Variants in SIMC1 observed in about 807,000 individuals in gnomAD.
SIMC1 encodes SUMO interacting motifs containing 1, also known as SUMO-interacting motif-containing protein 1.
In SIMC1, 55 loss-of-function variants were observed where a neutral mutation model predicts 82.3. The observed-to-expected ratio is 0.67, with a 90% CI of 0.54 to 0.84. SIMC1 has a LOEUF of 0.84. Among genes scored for constraint, SIMC1 ranks in the 40% least tolerant of loss-of-function variants. The probability of loss-of-function intolerance (pLI) is 0.00; values close to 1 mark genes in which losing one functional copy is unlikely to be tolerated. For synonymous variants in SIMC1, 353 were observed against 426.3 expected, an observed-to-expected ratio of 0.83 and a Z score of 2.12; for missense variants, 915 against 1,107.2, an observed-to-expected ratio of 0.83 and a Z score of 2.46.
chr5:176,329,835 A>G (rs67048353), intron 7 of SIMC1, among the ~76,000 whole-genome samples: 21,371 of 152,162 alleles, frequency 0.14, 1,521 homozygotes, highest in Middle Eastern at 0.21. Flanking sequence ...TACACATATG[A>G]AAAGGGGAAA....
chr5:176,263,972 G>T (rs1306018129), intron 1 of SIMC1, among the ~76,000 whole-genome samples: 1 of 152,244 alleles, frequency 6.6e-6, no homozygotes, highest in Non-Finnish European at 1.5e-5. Flanking sequence ...AAAGAAAGCG[G>T]TAATAGGCCT....
rs569062517 is a variant in SIMC1 at position 176,327,598 on chromosome 5, A to G, written c.2171+2841A>G. On this transcript the variant is annotated intron_variant, in intron 7 of 9. Coordinates refer to ENST00000429602, the MANE Select transcript of SIMC1 (RefSeq NM_001308195.2). ...CCTTTTGCTTGCTTTTTCTTGCCAT[A>G]CTGCATAGGCTAGAATCTCCAGGAA... Among the ~76,000 whole-genome samples the G allele has an allele frequency of 3.9e-5, 6 of 152,264 alleles. No individual in the cohort carries two copies. In the East Asian group the frequency reaches 5.8e-4, roughly 15 times the overall value.
At chr5:176,270,659 T>C (rs1762385408) in intron 1 of SIMC1, 1 of 152,270 alleles carries the variant, frequency 6.6e-6, no homozygotes, top group Non-Finnish European at 1.5e-5. Flanking sequence ...AGAATCTGTG[T>C]GCTTGGGGAA....
intron 1 of SIMC1, among the ~76,000 whole-genome samples, chr5:176,276,710 T>A (rs1363352884): frequency 1.4e-5 from 2 of 145,220 alleles, no homozygotes; most frequent in African/African-American, 2.6e-5. Context: ...TGGTTTTTTG[T>A]TCTTGCGATA....
In SIMC1 at chr5:176,306,388, G is replaced by A. The variant is rs867420364; in HGVS notation, c.1735-7303G>A. Among the ~76,000 whole-genome samples the A allele has an allele frequency of 7.9e-5, 7 of 88,898 alleles. 1 individual carries two copies. The highest frequency in any genetic ancestry group is 1.7e-4 in the African/African-American group (6 of 36,112). 58.3% of individuals were successfully genotyped at this position (88,898 alleles called of 152,430 possible). A position where few individuals can be genotyped will look rare whatever the true frequency, so the allele number is the denominator to read the frequency against. On this transcript the variant is annotated intron_variant, in intron 4 of 9. Coordinates refer to ENST00000429602, the MANE Select transcript of SIMC1 (RefSeq NM_001308195.2). ...TGGGAAGTGAGGAGCCCCTCTGCCC[G>A]ACCACCACCCCGTCTGGGAGGTGTG...
chr5:176,267,938 T>C (rs918324231), intron 1 of SIMC1, among the ~76,000 whole-genome samples: 19 of 151,086 alleles, frequency 1.3e-4, no homozygotes, highest in Non-Finnish European at 2.5e-4. Context: ...TTTGTAGGGA[T>C]GGAGTTTCAC....
chr5:176,294,689 G>C (rs1331484685), intron 2 of SIMC1, among the ~76,000 whole-genome samples: 1 of 151,200 alleles, frequency 6.6e-6, no homozygotes, highest in Admixed American at 6.6e-5. Context: ...CCGGCTCGGC[G>C]CCGTGGCTCA....
At chr5:176,313,580 T>G in intron 4 of SIMC1, 111 bp from the exon 5 acceptor site, 1 of 1,558,108 alleles carries the variant, frequency 6.4e-7, no homozygotes, top group Non-Finnish European at 8.8e-7. Context: ...AGCACAGGCA[T>G]ACTTGTTGAT....
chr5:176,265,961 A>G (rs1409117938), intron 1 of SIMC1, among the ~76,000 whole-genome samples: 1 of 152,162 alleles, frequency 6.6e-6, no homozygotes, highest in African/African-American at 2.4e-5. Flanking sequence ...GCCTCATGAT[A>G]TGTGCTATAG....
intron 9 of SIMC1, among the ~76,000 whole-genome samples, chr5:176,338,795 TA>T (rs70991537): frequency 0.68 from 99,237 of 147,004 alleles, 33,224 homozygotes; most frequent in Middle Eastern, 0.76. Flanking sequence ...GTAGAGACTT[TA>T]AAAAAAAAAA....
At chr5:176,326,638 C>G (rs548271011) in intron 7 of SIMC1, among the ~76,000 whole-genome samples, 1 of 152,278 alleles carries the variant, frequency 6.6e-6, no homozygotes, top group South Asian at 2.1e-4. Context: ...GATCTCAGCT[C>G]ACTGCAATCT....
Position 176,336,758 on chromosome 5 carries a change from G to T in SIMC1, c.2210G>T (p.Arg737Leu), listed in dbSNP as rs760903170. Residue 737 changes from arginine (R) to leucine (L), a missense_variant, in exon 8 of 10, where the codon CGC (arginine) becomes CTC (leucine). Arg to Leu is a moderately radical substitution (Grantham distance 102). Around this residue, in one of 2 missense-constraint regions of SIMC1, gnomAD observed 902 missense variants for 1,040.3 expected, o/e 0.87. Transcript: ENST00000429602. ...ACTACCATGGAAAGCCACCTTCTGC[G>T]CTGCAAAGTGTTAGAAATCATATTC... ...FFTTMESHLL[R>L]CKVLEIIFLH... 6.2e-7 allele frequency: 1 copy of T among 1,613,806 alleles called. No homozygotes were observed. The highest frequency in any genetic ancestry group is 8.5e-7 in the Non-Finnish European group (1 of 1,179,894).
rs768128976 is a variant in SIMC1, at chr5:176,290,761, G to C, written c.1237G>C (p.Val413Leu). Reference protein sequence around the residue: ...TPLEKVPWLSVMETPARKEIS... With the variant: ...TPLEKVPWLSLMETPARKEIS... ...CTTAGAGAAAGTTCCTTGGCTCTCT[G>C]TCATGGAAACCCCAGCCAGAAAAGA... The change falls in exon 2 of 10, where the codon GTC becomes CTC. Residue 413 changes from valine (V) to leucine (L), a missense_variant. Physicochemically the swap from Val to Leu is conservative, Grantham distance 32. Coordinates refer to ENST00000429602, the MANE Select transcript of SIMC1 (RefSeq NM_001308195.2). 58 of 1,612,776 alleles carry C rather than the reference G, an allele frequency of 3.6e-5. No homozygotes were observed. The highest frequency in any genetic ancestry group is 2.5e-5 in the Non-Finnish European group (29 of 1,179,392).
At chr5:176,337,182 G>A (rs1765938945) in intron 9 of SIMC1, 36 bp downstream of exon 9, 1 of 1,532,406 alleles carries the variant, frequency 6.5e-7, no homozygotes, top group Non-Finnish European at 9.0e-7. Context: ...AGTAGTGGAA[G>A]GTCTCAATGG....
intron 4 of SIMC1, chr5:176,308,563 G>A (rs981753794): frequency 1.6e-5 from 25 of 1,593,700 alleles, no homozygotes; most frequent in Non-Finnish European, 1.8e-5. Context: ...AGGGCTGGCC[G>A]GGTACTCTAC....
At chr5:176,328,745 G>A (rs1765499814) in intron 7 of SIMC1, among the ~76,000 whole-genome samples, 1 of 152,120 alleles carries the variant, frequency 6.6e-6, no homozygotes, top group Non-Finnish European at 1.5e-5. Context: ...AGGAGAGCTA[G>A]CATGGTGGCA....
chr5:176,345,424 A>C lies in SIMC1; in HGVS notation c.2655A>C (p.Gln885His), dbSNP rs199711668. ...ADLNPDAEPFQKGWSGS is the reference protein window; with the variant it reads ...ADLNPDAEPFHKGWSGS ...TGAACCCTGATGCAGAGCCCTTTCAAAAGGGCTGGAGCGGCTCCTGAGGGC... is the reference window on the plus strand; with the variant it reads ...TGAACCCTGATGCAGAGCCCTTTCACAAGGGCTGGAGCGGCTCCTGAGGGC... The change falls in exon 10 of 10, where the codon CAA becomes CAC. Residue 885 changes from glutamine to histidine, a missense_variant. Gln to His is a conservative substitution (Grantham distance 24). This residue lies in a region of SIMC1 where 902 missense variants were observed against 1,040.3 expected (regional missense o/e 0.87). Coordinates refer to ENST00000429602, the MANE Select transcript of SIMC1 (RefSeq NM_001308195.2). The C allele has an allele frequency of 1.9e-6, 3 of 1,613,736 alleles. No individual in the cohort carries two copies. The African/African-American group carries it at 4.0e-5, about 22-fold the overall frequency.
intron 1 of SIMC1, among the ~76,000 whole-genome samples, chr5:176,258,416 C>A (rs1405775929): frequency 6.7e-6 from 1 of 150,358 alleles, no homozygotes; most frequent in Non-Finnish European, 1.5e-5. Context: ...GATCCTGGGG[C>A]AAACTTTTTC....
chr5:176,342,773 C>A (rs1429235717), intron 9 of SIMC1, among the ~76,000 whole-genome samples: 4 of 152,348 alleles, frequency 2.6e-5, no homozygotes, highest in African/African-American at 7.2e-5. Context: ...CCTTATTCCC[C>A]TCAGTGTTAC....
Sources: allele counts gnomAD v4.1 joint callset (sites outside exome capture counted in the v4.1 genomes callset), GRCh38; gene constraint gnomAD v4.1.1; regional missense constraint gnomAD v4.1.1; transcripts MANE v1.5; gene names NCBI Gene and HGNC (gene_info 2026-07-23, HGNC 2026-07-21).